The following NPC1 variants were observed in gnomAD, a reference collection of about 807,000 sequenced individuals.
NPC1 encodes Niemann-Pick C1 protein.
Under a neutral mutation model 140.4 loss-of-function variants are expected in NPC1, and 85 were observed. The observed-to-expected ratio is 0.61, with a 90% CI of 0.51 to 0.72. The LOEUF (loss-of-function observed/expected upper bound fraction) is 0.72, where lower values mean the gene tolerates loss of function less well. Among genes scored for constraint, NPC1 ranks in the 30% least tolerant of loss-of-function variants. NPC1 has a pLI of 0.00. For missense variants in NPC1, 1,504 were observed against 1,623.8 expected (o/e 0.93, Z 1.27); for synonymous variants, 656 against 624.8 (o/e 1.05, Z -0.74).
chr18:23,563,099 C>G (rs2059067490), intron 4 of NPC1, among the ~76,000 whole-genome samples: 1 of 152,210 alleles, frequency 6.6e-6, no homozygotes, highest in Non-Finnish European at 1.5e-5. Flanking sequence ...CTATTTCAGA[C>G]AGTTCACATA....
At chr18:23,571,970 TATA>T in intron 3 of NPC1, 101 bp downstream of exon 3, 1 of 580,094 alleles carries the variant, frequency 1.7e-6, no homozygotes, top group South Asian at 1.9e-5. Context: ...AATATAGACA[TATA>T]ATAAATAAAA....
downstream of NPC1, chr18:23,520,319 A>G: frequency 6.2e-7 from 1 of 1,607,478 alleles, no homozygotes. Context: ...CACAGGTAAC[A>G]CGGGTTCTGT....
intron 9 of NPC1, among the ~76,000 whole-genome samples, chr18:23,552,581 G>GT (rs2058889446): frequency 6.6e-6 from 1 of 152,254 alleles, no homozygotes; most frequent in African/African-American, 2.4e-5. Context: ...AGGTGGAACA[G>GT]TAAGTGGAGA....
downstream of NPC1, chr18:23,526,713 T>C: frequency 6.2e-7 from 1 of 1,614,108 alleles, no homozygotes; most frequent in Non-Finnish European, 8.5e-7. Flanking sequence ...TCATGGACTT[T>C]CTCCTCCAGA....
In NPC1 at chr18:23,560,385, A is replaced by T. The variant is rs1325521922; in HGVS notation, c.727T>A (p.Cys243Ser). 6.2e-7 allele frequency: 1 copy of T among 1,614,132 alleles called. No individual in the cohort carries two copies. The highest frequency in any genetic ancestry group is 8.5e-7 in the Non-Finnish European group (1 of 1,180,048). The part of the protein sequence containing the change: ...EVTAPCSCQD[C>S]SIVCGPKPQP... ...GGCTTGGGGCCACAGACAATAGAGC[A>T]GTCTTGGCAGCTACATGGTGCTGTG... Residue 243 changes from cysteine to serine, a missense_variant, in exon 6 of 25, where the codon TGC becomes AGC. Physicochemically the swap from Cys to Ser is moderately radical, Grantham distance 112. Coordinates refer to ENST00000269228, the MANE Select transcript of NPC1 (RefSeq NM_000271.5).
At chr18:23,567,909 G>A (rs913189156) in intron 4 of NPC1, among the ~76,000 whole-genome samples, 2 of 152,218 alleles carry the variant, frequency 1.3e-5, no homozygotes, top group African/African-American at 4.8e-5. Context: ...GTAGTTTACT[G>A]TTCAAATTTG....
chr18:23,577,617 C>A (rs567528096), intron 1 of NPC1, among the ~76,000 whole-genome samples: 1 of 152,248 alleles, frequency 6.6e-6, no homozygotes, highest in Non-Finnish European at 1.5e-5. Context: ...GCCAGTCCTG[C>A]GCCGTGCGCC....
downstream of NPC1, chr18:23,529,433 A>G (rs2058416807): frequency 7.1e-7 from 1 of 1,406,560 alleles, no homozygotes; most frequent in Non-Finnish European, 9.4e-7. Context: ...GTGAGGCCCT[A>G]GAGCTGGTAG....
Position 23,541,126 on chromosome 18 carries a change from C to G in NPC1, c.2456G>C (p.Arg819Pro). The change falls in exon 16 of 25, where the codon CGC becomes CCC. Residue 819 changes from arginine (R) to proline (P), a missense_variant. By Grantham distance (103) the Arg-to-Pro change is moderately radical. Transcript: ENST00000269228. ...SVQASESCLFRFFKNSYSPLL... is the reference protein window; with the variant it reads ...SVQASESCLFPFFKNSYSPLL... The stretch of plus-strand genomic sequence containing the variant: ...TGGAGAATAGGAGTTTTTGAAGAAG[C>G]GAAACAAACAGCTCTCTGAGGCCTG... 2 of 1,614,156 alleles carry G rather than the reference C, an allele frequency of 1.2e-6. No homozygotes were observed. The highest frequency in any genetic ancestry group is 1.1e-5 in the South Asian group (1 of 91,078).
downstream of NPC1, among the ~76,000 whole-genome samples, chr18:23,522,024 A>AC (rs1203434113): frequency 1.3e-5 from 2 of 152,144 alleles, no homozygotes; most frequent in Non-Finnish European, 2.9e-5. Flanking sequence ...GGGCGGGTTG[A>AC]CCCAGCCTGC....
downstream of NPC1, among the ~76,000 whole-genome samples, chr18:23,518,463 C>T (rs896470073): frequency 9.9e-5 from 15 of 151,762 alleles, no homozygotes; most frequent in African/African-American, 3.6e-4. Context: ...CACTGCATTC[C>T]AGCCTGGGTG....
chr18:23,530,724 T>C, downstream of NPC1: 3 of 951,112 alleles, frequency 3.2e-6, no homozygotes, highest in Non-Finnish European at 3.1e-6. Context: ...ACAACACAAT[T>C]TGATAACAGC....
intron 22 of NPC1, 42 bp from the exon 23 acceptor site, chr18:23,534,601 G>C: frequency 6.6e-7 from 1 of 1,512,870 alleles, no homozygotes; most frequent in Non-Finnish European, 9.1e-7. Flanking sequence ...TCTTCCTGTT[G>C]AAGACCCTAG....
chr18:23,515,830 A>C lies in NPC1; in HGVS notation c.432-9188T>G, dbSNP rs1453046301. The C allele has an allele frequency of 4.3e-6, 7 of 1,613,382 alleles. No individual in the cohort carries two copies. The South Asian group carries it at 6.6e-5, about 15-fold the overall frequency. On this transcript the variant is annotated intron_variant, in intron 3 of 3. Transcript: ENST00000591107. The stretch of plus-strand genomic sequence containing the variant: ...TTAGTTTGCCGTTTTTTAAATGAAG[A>C]TCCTGTTTCTTAAACTCTGCTTCAG...
At chr18:23,558,567 G>A (rs1055312661) in intron 6 of NPC1, among the ~76,000 whole-genome samples, 3 of 152,140 alleles carry the variant, frequency 2.0e-5, no homozygotes, top group African/African-American at 7.2e-5. Flanking sequence ...GATTAGAGGG[G>A]ACTCATAAAA....
intron 7 of NPC1, 100 bp from the exon 8 acceptor site, chr18:23,556,713 T>C (rs1288950500): frequency 6.5e-7 from 1 of 1,549,590 alleles, no homozygotes; most frequent in Non-Finnish European, 8.7e-7. Flanking sequence ...ATGGCAGGAA[T>C]CAAGCCCACC....
At chr18:23,570,197 T>C (rs1367219345) in intron 3 of NPC1, among the ~76,000 whole-genome samples, 1 of 152,236 alleles carries the variant, frequency 6.6e-6, no homozygotes, top group African/African-American at 2.4e-5. Flanking sequence ...TCCATGTTAC[T>C]ACATTTAATG....
intron 3 of NPC1, chr18:23,508,097 T>C (rs2057758437): frequency 1.3e-6 from 2 of 1,508,488 alleles, no homozygotes; most frequent in African/African-American, 1.4e-5. Context: ...AGCTGGGTTA[T>C]GTAGTGGAGA....
At chr18:23,542,837 C>T (rs2058730556) in intron 14 of NPC1, among the ~76,000 whole-genome samples, 1 of 152,184 alleles carries the variant, frequency 6.6e-6, no homozygotes, top group African/African-American at 2.4e-5. Context: ...TTTCAACTAT[C>T]AACATTCCCA....
Sources: gnomAD v4.1 joint callset for allele counts (sites outside exome capture counted in the v4.1 genomes callset) on GRCh38, gnomAD v4.1.1 for gene constraint, MANE v1.5 for transcripts, NCBI Gene and HGNC (gene_info 2026-07-23, HGNC 2026-07-21) for gene names.